The following ADARB2 variants were observed in gnomAD, a reference collection of about 807,000 sequenced individuals.
ADARB2 encodes adenosine deaminase RNA specific B2 (inactive), also known as inactive double-stranded RNA-specific editase B2.
In ADARB2, 25 loss-of-function variants were observed where a neutral mutation model predicts 62.2. That is an observed-to-expected ratio of 0.40 (90% CI 0.29 to 0.56). The LOEUF (loss-of-function observed/expected upper bound fraction) is 0.56, where lower values mean the gene tolerates loss of function less well. ADARB2 is among the 20% of genes least tolerant of loss of function. The pLI is 0.43. For missense variants in ADARB2, 1,071 were observed against 1,077.4 expected (o/e 0.99, Z 0.08); for synonymous variants, 572 against 500.8 (o/e 1.14, Z -1.90).
chr10:1,348,075 AC>A (rs1832097532), intron 3 of ADARB2, among the ~76,000 whole-genome samples: 1 of 151,960 alleles, frequency 6.6e-6, no homozygotes, highest in Admixed American at 6.5e-5. Context: ...CGAAACAGAG[AC>A]AGTGGGAATG....
intron 1 of ADARB2, among the ~76,000 whole-genome samples, chr10:1,725,663 C>T (rs1043368782): frequency 3.9e-5 from 6 of 152,266 alleles, no homozygotes; most frequent in Non-Finnish European, 5.9e-5. Context: ...AAGACATTCA[C>T]TTCCAGGACA....
At chr10:1,232,679 ACG>A (rs1564229271) in intron 6 of ADARB2, among the ~76,000 whole-genome samples, 3 of 145,642 alleles carry the variant, frequency 2.1e-5, no homozygotes, top group African/African-American at 7.8e-5. Context: ...GGTGCTTGTG[ACG>A]TGTGTGGTAT....
intron 1 of ADARB2, among the ~76,000 whole-genome samples, chr10:1,489,515 A>G (rs1185632911): frequency 1.3e-5 from 2 of 152,238 alleles, no homozygotes; most frequent in Non-Finnish European, 2.9e-5. Flanking sequence ...TGTGTTGCCC[A>G]TTAGTAGCGG....
At chr10:1,483,704 A>C (rs1195919830) in intron 1 of ADARB2, among the ~76,000 whole-genome samples, 10 of 64,778 alleles carry the variant, frequency 1.5e-4, no homozygotes, top group Non-Finnish European at 3.3e-5. Flanking sequence ...ATGACGAAGC[A>C]ACTAATGATT....
intron 1 of ADARB2, among the ~76,000 whole-genome samples, chr10:1,450,964 C>T (rs1341495490): frequency 2.6e-5 from 4 of 152,142 alleles, no homozygotes; most frequent in Admixed American, 6.5e-5. Context: ...GGAGCTCCTG[C>T]GAATAGGCAC....
rs907648293 is a variant in ADARB2 at position 1,683,202 on chromosome 10, T to C, written c.100+53849A>G. Reference sequence around the variant, plus strand: ...GCGCTAGCATTCCTACCGAGATAGGTCTGACCCCAGATGCAATTCACTTTT... The same window carrying C: ...GCGCTAGCATTCCTACCGAGATAGGCCTGACCCCAGATGCAATTCACTTTT... On this transcript the variant is annotated intron_variant, in intron 1 of 9. Transcript: ENST00000381312. Among the ~76,000 whole-genome samples, 8 of 152,052 alleles carry C rather than the reference T, an allele frequency of 5.3e-5. 1 individual carries two copies. Among genetic ancestry groups the C allele is most frequent in the Non-Finnish European group, 7.4e-5 (5 of 67,942 alleles).
chr10:1,281,401 G>A (rs145920262), intron 3 of ADARB2, among the ~76,000 whole-genome samples: 180 of 152,332 alleles, frequency 1.2e-3, no homozygotes, highest in African/African-American at 4.2e-3. Context: ...GTGTGTTGGT[G>A]GTTTGTGGAT....
rs79158431 is a variant in ADARB2, at chr10:1,254,547, G to A, written c.1193-12248C>T. Among the ~76,000 whole-genome samples, 891 of 152,360 alleles carry A rather than the reference G, an allele frequency of 5.8e-3. 6 individuals carry two copies. Among genetic ancestry groups the A allele is most frequent in the African/African-American group, 0.018 (766 of 41,578 alleles). ...CGAGAACCCCAAAACTATTGAATGAGCATCTCCTTGTGAGGTTCCTGAAAA... is the reference window on the plus strand; with the variant it reads ...CGAGAACCCCAAAACTATTGAATGAACATCTCCTTGTGAGGTTCCTGAAAA... On this transcript the variant is annotated intron_variant, in intron 4 of 9. Transcript: ENST00000381312.
rs191993789 is a variant in ADARB2 at position 1,661,672 on chromosome 10, C to T, written c.100+75379G>A. 8.9e-4 allele frequency among the ~76,000 whole-genome samples: 135 copies of T among 152,274 alleles called. 1 individual carries two copies. Among genetic ancestry groups the T allele is most frequent in the Non-Finnish European group, 1.4e-3 (95 of 68,024 alleles). ...CAGAGGGAGGGCACCATGTGAGGGT[C>T]GGCATTCACCGAGCAGACAGGAACC... On this transcript the variant is annotated intron_variant, in intron 1 of 9. Transcript: ENST00000381312.
intron 4 of ADARB2, among the ~76,000 whole-genome samples, chr10:1,246,923 C>A (rs1010087941): frequency 6.6e-6 from 1 of 151,924 alleles, no homozygotes; most frequent in East Asian, 1.9e-4. Flanking sequence ...TTACCTTGGG[C>A]AGTATGGCCA....
intron 1 of ADARB2, among the ~76,000 whole-genome samples, chr10:1,562,375 G>A (rs1321489618): frequency 6.6e-6 from 1 of 152,266 alleles, no homozygotes; most frequent in South Asian, 2.1e-4. Flanking sequence ...TTAGGATCGG[G>A]GCTCTGCCAT....
intron 1 of ADARB2, among the ~76,000 whole-genome samples, chr10:1,572,883 C>T (rs899363835): frequency 1.3e-5 from 2 of 152,194 alleles, no homozygotes; most frequent in Admixed American, 6.5e-5. Flanking sequence ...CCACGTACAG[C>T]GTTTCCCTGC....
chr10:1,535,795 T>G (rs11250598), intron 1 of ADARB2: 4 of 166,982 alleles, frequency 2.4e-5, no homozygotes, highest in Non-Finnish European at 1.5e-5. Context: ...TGGTGAGCAG[T>G]GCAGGCCCTG....
At chr10:1,485,873 C>A (rs1343237965) in intron 1 of ADARB2, among the ~76,000 whole-genome samples, 1 of 152,204 alleles carries the variant, frequency 6.6e-6, no homozygotes, top group African/African-American at 2.4e-5. Context: ...TTGGCCTTGG[C>A]TTGGAGTGTT....
intron 1 of ADARB2, among the ~76,000 whole-genome samples, chr10:1,549,500 G>A (rs989552480): frequency 3.0e-4 from 46 of 152,036 alleles, no homozygotes; most frequent in African/African-American, 9.7e-4. Flanking sequence ...CGGGGTTGGT[G>A]TTTCCACCCA....
At chr10:1,613,383 A>G (rs377262793) in intron 1 of ADARB2, among the ~76,000 whole-genome samples, 31 of 152,224 alleles carry the variant, frequency 2.0e-4, no homozygotes, top group African/African-American at 7.0e-4. Context: ...TTTTCCTACT[A>G]CTTCTTGTCG....
rs1006604511 is a variant in ADARB2 at position 1,725,920 on chromosome 10, TCA to T, written c.100+11129_100+11130del. ...GACTACGGATAAAATGTTTTCATAG[TCA>T]AGAGTACAGGGGCTAACCCCAGAAT... On this transcript the variant is annotated intron_variant, in intron 1 of 9. Transcript: ENST00000381312. Among the ~76,000 whole-genome samples, 16 of 152,366 alleles carry T rather than the reference TCA, an allele frequency of 1.1e-4. No homozygotes were observed. In the Middle Eastern group the frequency reaches 0.017, roughly 162 times the overall value.
At chr10:1,508,317 G>A (rs1320542366) in intron 1 of ADARB2, among the ~76,000 whole-genome samples, 1 of 152,220 alleles carries the variant, frequency 6.6e-6, no homozygotes, top group African/African-American at 2.4e-5. Context: ...TATGGTCAGA[G>A]GCTGCGTCTG....
In ADARB2 at chr10:1,666,770, T is replaced by TA. The variant is rs1418914152; in HGVS notation, c.100+70280dup. On this transcript the variant is annotated intron_variant, in intron 1 of 9. Coordinates refer to ENST00000381312, the MANE Select transcript of ADARB2 (RefSeq NM_018702.4). ...CCCATAGGCTCTGACATGTTTAACT[T>TA]ATATCTGAAAGACTCTGAGACTCGA... Among the ~76,000 whole-genome samples the TA allele has an allele frequency of 1.1e-4, 17 of 152,316 alleles. No homozygotes were observed. In the East Asian group the frequency reaches 2.9e-3, roughly 26 times the overall value.
Sources: allele counts gnomAD v4.1 joint callset (sites outside exome capture counted in the v4.1 genomes callset), GRCh38; gene constraint gnomAD v4.1.1; transcripts MANE v1.5; gene names NCBI Gene and HGNC (gene_info 2026-07-23, HGNC 2026-07-21).